Variants in MRPL51 observed in about 807,000 individuals in gnomAD.
MRPL51 encodes large ribosomal subunit protein mL51.
A neutral mutation model predicts 15.0 loss-of-function variants in MRPL51; 6 were observed. That is an observed-to-expected ratio of 0.40 (90% confidence interval 0.22 to 0.79). The LOEUF (loss-of-function observed/expected upper bound fraction) is 0.79. Among genes scored for constraint, MRPL51 ranks in the 30% least tolerant of loss-of-function variants. MRPL51 has a pLI of 0.36. For missense variants in MRPL51, 155 were observed against 166.4 expected (o/e 0.93, Z 0.38); for synonymous variants, 65 against 58.3 (o/e 1.11, Z -0.52).
chr12:6,493,237 A>ATT lies in MRPL51; in HGVS notation c.-102_-101insAA. On this transcript the variant is annotated 5_prime_UTR_variant, in exon 1 of 3. The change creates a new upstream start codon in the 5' untranslated region. Transcript: ENST00000229238. ...CACGAGTACTAAGGCGAAGACAGCC[A>ATT]TCTTGGGCCTTACCCAGGCAGCTGT... 7.7e-7 allele frequency: 1 copy of ATT among 1,299,648 alleles called. No individual in the cohort carries two copies. The highest frequency in any genetic ancestry group is 1.1e-6 in the Non-Finnish European group (1 of 930,586). 80.5% of individuals were successfully genotyped at this position (1,299,648 alleles called of 1,614,324 possible).
chr12:6,492,813 C>A (rs1945934749), intron 2 of MRPL51, 49 bp downstream of exon 2: 4 of 1,517,146 alleles, frequency 2.6e-6, no homozygotes, highest in South Asian at 2.2e-5. Flanking sequence ...GTCGTTACAG[C>A]CTAATTGCCA....
Position 6,492,120 on chromosome 12 carries a change from A to G in MRPL51, c.*151T>C, listed in dbSNP as rs2137030035. ...GTCTACATGAGTAGAGGCAGCATCT[A>G]GAGGAAAACAAAAGTATGTGGCTAT... is the stretch of plus-strand genomic sequence containing the variant. On this transcript the variant is annotated 3_prime_UTR_variant, in exon 3 of 3. Transcript: ENST00000229238. The G allele has an allele frequency of 2.7e-6, 2 of 750,144 alleles. No individual in the cohort carries two copies. Among genetic ancestry groups the G allele is most frequent in the East Asian group, 5.5e-5 (2 of 36,678 alleles). The allele number at this position is 750,144 out of a possible 1,614,324, so 46.5% of individuals were successfully genotyped here. A position where few individuals can be genotyped will look rare whatever the true frequency, so the allele number is the denominator to read the frequency against.
Position 6,493,214 on chromosome 12 carries a change from C to A in MRPL51, c.-78G>T. The A allele has an allele frequency of 6.6e-7, 1 of 1,509,402 alleles. No individual in the cohort carries two copies. The highest frequency in any genetic ancestry group is 2.4e-4 in the Middle Eastern group (1 of 4,254). 93.5% of individuals were successfully genotyped at this position (1,509,402 alleles called of 1,614,324 possible). On this transcript the variant is annotated 5_prime_UTR_variant, in exon 1 of 3. Coordinates refer to ENST00000229238, the MANE Select transcript of MRPL51 (RefSeq NM_016497.4). The stretch of plus-strand genomic sequence containing the variant: ...AGGAACCGTCCCCGCCAACTTCACA[C>A]GAGTACTAAGGCGAAGACAGCCATC...
At chr12:6,492,825 T>C (rs1945934900) in intron 2 of MRPL51, 37 bp downstream of exon 2, 1 of 1,548,332 alleles carries the variant, frequency 6.5e-7, no homozygotes, top group African/African-American at 1.4e-5. Context: ...TAATTGCCAT[T>C]CTGAAATTGT....
At chr12:6,492,556 G>T in intron 2 of MRPL51, 89 bp from the exon 3 acceptor site, 4 of 1,309,140 alleles carry the variant, frequency 3.1e-6, no homozygotes, top group South Asian at 1.4e-5. Flanking sequence ...GCATCTTGCT[G>T]AGCAGCACCT....
chr12:6,493,042 T>C lies in MRPL51; in HGVS notation c.79+16A>G. 6.2e-7 allele frequency: 1 copy of C among 1,613,990 alleles called. No homozygotes were observed. Among genetic ancestry groups the C allele is most frequent in the Non-Finnish European group, 8.5e-7 (1 of 1,180,018 alleles). On this transcript the variant is annotated intron_variant, in intron 1 of 2. Transcript: ENST00000229238. Reference sequence around the variant, plus strand: ...ACTACGAAGCAGTTATCGGGGTGCCTACATCAGCCACTTACCAAGAGAGAA... The same window carrying C: ...ACTACGAAGCAGTTATCGGGGTGCCCACATCAGCCACTTACCAAGAGAGAA...
intron 2 of MRPL51, 48 bp downstream of exon 2, chr12:6,492,814 C>G (rs4764600): frequency 0.29 from 444,408 of 1,520,864 alleles, 68,492 homozygotes; most frequent in African/African-American, 0.52. Flanking sequence ...TCGTTACAGC[C>G]TAATTGCCAT....
chr12:6,492,431 C>T lies in MRPL51; in HGVS notation c.227G>A (p.Gly76Glu), dbSNP rs752213313. Reference protein sequence around the residue: ...FEKHPKELIRGPIWLRGWKGN... With the variant: ...FEKHPKELIREPIWLRGWKGN... ...TTTCCAACCTCGAAGCCATATGGGC[C>T]CCCTGATCAGTTCTTTGGGGTGCTT... is the stretch of plus-strand genomic sequence containing the variant. Residue 76 changes from glycine (G) to glutamate (E), a missense_variant, in exon 3 of 3, where the codon GGG (glycine) becomes GAG (glutamate). Coordinates refer to ENST00000229238, the MANE Select transcript of MRPL51 (RefSeq NM_016497.4). 6.2e-7 allele frequency: 1 copy of T among 1,612,616 alleles called. No individual in the cohort carries two copies. The highest frequency in any genetic ancestry group is 8.5e-7 in the Non-Finnish European group (1 of 1,179,472).
chr12:6,492,496 C>A, intron 2 of MRPL51, 29 bp from the exon 3 acceptor site: 1 of 1,567,290 alleles, frequency 6.4e-7, no homozygotes. Context: ...CACATTAGAT[C>A]CAAGACAAGA....
chr12:6,492,052 C>T lies in MRPL51; in HGVS notation c.*219G>A, dbSNP rs1208365594. 1.2e-5 allele frequency: 6 copies of T among 496,556 alleles called. No homozygotes were observed. The East Asian group carries it at 2.0e-4, about 17-fold the overall frequency. 30.8% of individuals were successfully genotyped at this position (496,556 alleles called of 1,614,324 possible). On this transcript the variant is annotated 3_prime_UTR_variant, in exon 3 of 3. Transcript: ENST00000229238. ...TGTAAAAGGCAAGTGGTGTGAAGCC[C>T]AAACCTAAGATCCTAAGATCTAGGA...
In MRPL51 at chr12:6,492,940, G is replaced by C. The variant is rs11559081; in HGVS notation, c.112C>G (p.Leu38Val). Reference protein sequence around the residue: ...VPRLIGIRLTLPPPKVVDRWN... With the variant: ...VPRLIGIRLTVPPPKVVDRWN... The stretch of plus-strand genomic sequence containing the variant: ...CGATCAACCACTTTGGGGGGCGGGA[G>C]AGTGAGCCTTATACCGATCAATCTA... Residue 38 changes from leucine to valine, a missense_variant, in exon 2 of 3, where the codon CTC becomes GTC. Physicochemically the swap from Leu to Val is conservative, Grantham distance 32. Coordinates refer to ENST00000229238, the MANE Select transcript of MRPL51 (RefSeq NM_016497.4). 1 of 1,614,102 alleles carries C rather than the reference G, an allele frequency of 6.2e-7. No homozygotes were observed. Among genetic ancestry groups the C allele is most frequent in the Non-Finnish European group, 8.5e-7 (1 of 1,179,994 alleles).
rs773123494 is a variant in MRPL51 at position 6,492,283 on chromosome 12, C to A, written c.375G>T (p.Gly125=). The part of the protein sequence containing the change: ...RYLYKHFNRH[G]KFR ...TCAGCTTTCTCTTCTATCGAAACTT[C>A]CCATGTCGGTTAAAGTGTTTGTAGA... is the stretch of plus-strand genomic sequence containing the variant. Residue 125 remains glycine, a synonymous_variant, in exon 3 of 3, where the codon GGG becomes GGT. Coordinates refer to ENST00000229238, the MANE Select transcript of MRPL51 (RefSeq NM_016497.4). 17 of 1,600,840 alleles carry A rather than the reference C, an allele frequency of 1.1e-5. No homozygotes were observed. The Middle Eastern group carries it at 5.0e-4, about 47-fold the overall frequency.
chr12:6,492,436 G>C lies in MRPL51; in HGVS notation c.222C>G (p.Ile74Met). 6.2e-7 allele frequency: 1 copy of C among 1,612,044 alleles called. No homozygotes were observed. Among genetic ancestry groups the C allele is most frequent in the Non-Finnish European group, 8.5e-7 (1 of 1,179,228 alleles). The change falls in exon 3 of 3, where the codon ATC (isoleucine) becomes ATG (methionine). Residue 74 changes from isoleucine to methionine, a missense_variant. By Grantham distance (10) the Ile-to-Met change is conservative. Coordinates refer to ENST00000229238, the MANE Select transcript of MRPL51 (RefSeq NM_016497.4). Reference protein sequence around the residue: ...GNFEKHPKELIRGPIWLRGWK... With the variant: ...GNFEKHPKELMRGPIWLRGWK... ...AACCTCGAAGCCATATGGGCCCCCTGATCAGTTCTTTGGGGTGCTTTTCAA... is the reference window on the plus strand; with the variant it reads ...AACCTCGAAGCCATATGGGCCCCCTCATCAGTTCTTTGGGGTGCTTTTCAA...
rs116152914 is a variant in MRPL51, at chr12:6,493,240, T to C, written c.-104A>G. ...GAGTACTAAGGCGAAGACAGCCATC[T>C]TGGGCCTTACCCAGGCAGCTGTGGG... On this transcript the variant is annotated 5_prime_UTR_variant, in exon 1 of 3. Transcript: ENST00000229238. 2,672 of 1,283,668 alleles carry C rather than the reference T, an allele frequency of 2.1e-3. 46 individuals carry two copies. The African/African-American group carries it at 0.033, about 16-fold the overall frequency. The allele number at this position is 1,283,668 out of a possible 1,614,324, so 79.5% of individuals were successfully genotyped here. A position where few individuals can be genotyped will look rare whatever the true frequency, so the allele number is the denominator to read the frequency against.
Position 6,492,922 on chromosome 12 carries a change from C to A in MRPL51, c.130G>T (p.Val44Phe), listed in dbSNP as rs768173733. 2 of 1,613,978 alleles carry A rather than the reference C, an allele frequency of 1.2e-6. No homozygotes were observed. Among genetic ancestry groups the A allele is most frequent in the African/African-American group, 2.7e-5 (2 of 74,908 alleles). ...GCCCTTTTCTCGTTCCAACGATCAA[C>A]CACTTTGGGGGGCGGGAGAGTGAGC... ...IRLTLPPPKV[V>F]DRWNEKRAMF... is the part of the protein sequence containing the mutation. Residue 44 changes from valine (V) to phenylalanine (F), a missense_variant, in exon 2 of 3, where the codon GTT becomes TTT. Physicochemically the swap from Val to Phe is conservative, Grantham distance 50 (BLOSUM62 -1). Coordinates refer to ENST00000229238, the MANE Select transcript of MRPL51 (RefSeq NM_016497.4).
chr12:6,492,309 G>A lies in MRPL51; in HGVS notation c.349C>T (p.Leu117Phe), dbSNP rs11380. The change falls in exon 3 of 3, where the codon CTC becomes TTC. Residue 117 changes from leucine to phenylalanine, a missense_variant. By Grantham distance (22) the Leu-to-Phe change is conservative. Transcript: ENST00000229238. ...CCATGTCGGTTAAAGTGTTTGTAGA[G>A]ATAGCGGATGCGTTTATTAAGGTTG... ...LHNLNKRIRY[L>F]YKHFNRHGKF... 1.3e-3 allele frequency: 2,151 copies of A among 1,612,866 alleles called. 1 individual carries two copies. Among genetic ancestry groups the A allele is most frequent in the Middle Eastern group, 2.8e-3 (17 of 6,058 alleles).
chr12:6,492,915 C>G lies in MRPL51; in HGVS notation c.137G>C (p.Arg46Pro), dbSNP rs11559084. The change falls in exon 2 of 3, where the codon CGT becomes CCT. Residue 46 changes from arginine (R) to proline (P), a missense_variant. Physicochemically the swap from Arg to Pro is moderately radical, Grantham distance 103. Coordinates refer to ENST00000229238, the MANE Select transcript of MRPL51 (RefSeq NM_016497.4). ...GAACATGGCCCTTTTCTCGTTCCAACGATCAACCACTTTGGGGGGCGGGAG... is the reference window on the plus strand; with the variant it reads ...GAACATGGCCCTTTTCTCGTTCCAAGGATCAACCACTTTGGGGGGCGGGAG... ...LTLPPPKVVD[R>P]WNEKRAMFGV... 6.2e-7 allele frequency: 1 copy of G among 1,613,948 alleles called. No individual in the cohort carries two copies. The highest frequency in any genetic ancestry group is 8.5e-7 in the Non-Finnish European group (1 of 1,180,018).
Position 6,492,237 on chromosome 12 carries a change from G to C in MRPL51, c.*34C>G, listed in dbSNP as rs1287151872. 4 of 1,549,136 alleles carry C rather than the reference G, an allele frequency of 2.6e-6. No individual in the cohort carries two copies. On this transcript the variant is annotated 3_prime_UTR_variant, in exon 3 of 3. Coordinates refer to ENST00000229238, the MANE Select transcript of MRPL51 (RefSeq NM_016497.4). ...ACAGTTTCCCTTCTCCAGGGTGACA[G>C]ATGAGCCTTTTCCGAAGTTCTCAGC...
rs56078244 is a variant in MRPL51, at chr12:6,492,982, G to C, written c.80-10C>G. 8,022 of 1,613,386 alleles carry C rather than the reference G, an allele frequency of 5.0e-3. 363 individuals are homozygous for C. In the African/African-American group the frequency reaches 0.089, roughly 18 times the overall value. ...ATCAATCTAGGCACACCTGGGGATG[G>C]GGAAGGGAGGGAATTAATCTGAGCC... On this transcript the variant is annotated splice_polypyrimidine_tract_variant and intron_variant, in intron 1 of 2. Coordinates refer to ENST00000229238, the MANE Select transcript of MRPL51 (RefSeq NM_016497.4).
Sources: allele counts gnomAD v4.1 joint callset, GRCh38; gene constraint gnomAD v4.1.1; transcripts MANE v1.5; gene names NCBI Gene and HGNC (gene_info 2026-07-23, HGNC 2026-07-21).